Variants in DHRS13 observed in about 807,000 individuals in gnomAD.
DHRS13 encodes dehydrogenase/reductase 13.
Under a neutral mutation model 17.9 loss-of-function variants are expected in DHRS13, and 22 were observed. That is an observed-to-expected ratio of 1.23 (90% CI 0.88 to 1.75). DHRS13 has a LOEUF of 1.75. Ranked by LOEUF, DHRS13 falls within the 40% of genes most tolerant of loss-of-function variation. The pLI is 0.00. For synonymous variants in DHRS13, 206 were observed against 220.4 expected (o/e 0.93, Z 0.58); for missense variants, 483 against 519.9 (o/e 0.93, Z 0.69).
chr17:28,903,026 G>A lies in DHRS13; in HGVS notation c.-82C>T. ...GGCGGCTGCCGATCCGCCCTGCACAGGCCTGGAACGGCGCCCGGGCGCGTC... is the reference window on the plus strand; with the variant it reads ...GGCGGCTGCCGATCCGCCCTGCACAAGCCTGGAACGGCGCCCGGGCGCGTC... On this transcript the variant is annotated 5_prime_UTR_variant, in exon 1 of 5. Transcript: ENST00000378895. This position sits in a 1 kb window ranked among gnomAD's most constrained non-coding sequence, Gnocchi z 4.8. 8.5e-7 allele frequency: 1 copy of A among 1,178,464 alleles called. No homozygotes were observed. The allele number at this position is 1,178,464 out of a possible 1,614,324, so 73.0% of individuals were successfully genotyped here.
rs1230149580 is a variant in DHRS13, at chr17:28,901,921, C to T, written c.247-305G>A. ...GAAAGGAGTTAACGTGTAAAATACA[C>T]TCTAGCAGCACTGGGTAGGTACTTG... On this transcript the variant is annotated intron_variant, in intron 2 of 4. Coordinates refer to ENST00000378895, the MANE Select transcript of DHRS13 (RefSeq NM_144683.4). The surrounding 1 kb of genome is among the most constrained non-coding windows in gnomAD (Gnocchi z 4.3). 3.0e-6 allele frequency: 1 copy of T among 338,880 alleles called. No individual in the cohort carries two copies. Among genetic ancestry groups the T allele is most frequent in the East Asian group, 6.1e-5 (1 of 16,432 alleles). 21.0% of individuals were successfully genotyped at this position (338,880 alleles called of 1,614,324 possible). A position where few individuals can be genotyped will look rare whatever the true frequency, so the allele number is the denominator to read the frequency against.
chr17:28,901,706 C>T lies in DHRS13; in HGVS notation c.247-90G>A. 1.3e-6 allele frequency: 2 copies of T among 1,561,662 alleles called. No homozygotes were observed. The highest frequency in any genetic ancestry group is 1.7e-6 in the Non-Finnish European group (2 of 1,152,284). The stretch of plus-strand genomic sequence containing the variant: ...CCAAATTCTGAGAGTCCATCTCCTA[C>T]TGTTTACTAAAATCTGCCCCTGTGT... On this transcript the variant is annotated intron_variant, in intron 2 of 4. Coordinates refer to ENST00000378895, the MANE Select transcript of DHRS13 (RefSeq NM_144683.4). This position sits in a 1 kb window ranked among gnomAD's most constrained non-coding sequence, Gnocchi z 4.3.
Position 28,902,960 on chromosome 17 carries a change from C to T in DHRS13, c.-16G>A, listed in dbSNP as rs528828150. On this transcript the variant is annotated 5_prime_UTR_variant, in exon 1 of 5. Coordinates refer to ENST00000378895, the MANE Select transcript of DHRS13 (RefSeq NM_144683.4). The surrounding 1 kb of genome is among the most constrained non-coding windows in gnomAD (Gnocchi z 4.0). ...GCGCCTCCATGCCGGCCGCGCCTCCCGGCTCCCGCCCAGGCCCCGCACCGC... is the reference window on the plus strand; with the variant it reads ...GCGCCTCCATGCCGGCCGCGCCTCCTGGCTCCCGCCCAGGCCCCGCACCGC... 2.5e-5 allele frequency: 37 copies of T among 1,498,012 alleles called. No homozygotes were observed. The South Asian group carries it at 3.7e-4, about 15-fold the overall frequency. The allele number at this position is 1,498,012 out of a possible 1,614,324, so 92.8% of individuals were successfully genotyped here. A position where few individuals can be genotyped will look rare whatever the true frequency, so the allele number is the denominator to read the frequency against.
rs1342388607 is a variant in DHRS13 at position 28,901,467 on chromosome 17, C to T, written c.370+26G>A. 1 of 1,613,156 alleles carries T rather than the reference C, an allele frequency of 6.2e-7. No individual in the cohort carries two copies. The highest frequency in any genetic ancestry group is 1.1e-5 in the South Asian group (1 of 91,048). Reference sequence around the variant, plus strand: ...GCCCCTGGCCACCCGCCACCCCACCCCCACGCAGGGCCTGCTGCCCCTCAC... The same window carrying T: ...GCCCCTGGCCACCCGCCACCCCACCTCCACGCAGGGCCTGCTGCCCCTCAC... On this transcript the variant is annotated intron_variant, in intron 3 of 4. Coordinates refer to ENST00000378895, the MANE Select transcript of DHRS13 (RefSeq NM_144683.4). This position sits in a 1 kb window ranked among gnomAD's most constrained non-coding sequence, Gnocchi z 4.3.
Position 28,897,795 on chromosome 17 carries a change from C to T in DHRS13, c.*646G>A, listed in dbSNP as rs531069245. 3.1e-6 allele frequency: 1 copy of T among 317,728 alleles called. No homozygotes were observed. The highest frequency in any genetic ancestry group is 2.2e-5 in the African/African-American group (1 of 45,678). 19.7% of individuals were successfully genotyped at this position (317,728 alleles called of 1,614,324 possible). On this transcript the variant is annotated 3_prime_UTR_variant, in exon 5 of 5. Transcript: ENST00000378895. This position sits in a 1 kb window ranked among gnomAD's most constrained non-coding sequence, Gnocchi z 4.4. ...GTGAGCGCAGCTTCGGCGGTCAACG[C>T]GCTTTATTCCGAGGGGCTTCAGATA...
rs149335962 is a variant in DHRS13, at chr17:28,901,181, C to G, written c.491G>C (p.Arg164Pro). The change falls in exon 4 of 5, where the codon CGC becomes CCC. Residue 164 changes from arginine (R) to proline (P), a missense_variant. Arg to Pro is a moderately radical substitution (Grantham distance 103, BLOSUM62 -2). Coordinates refer to ENST00000378895, the MANE Select transcript of DHRS13 (RefSeq NM_144683.4). The surrounding 1 kb of genome is among the most constrained non-coding windows in gnomAD (Gnocchi z 4.3). ...GGCAGCTGAGGCTACCACCACCACG[C>G]GGCTAGGGGCACATGCCTTCAGGCA... ...LPCLKACAPS[R>P]VVVVASAAHC... 1 of 1,614,182 alleles carries G rather than the reference C, an allele frequency of 6.2e-7. No homozygotes were observed. The highest frequency in any genetic ancestry group is 1.7e-5 in the Admixed American group (1 of 60,018).
Position 28,901,308 on chromosome 17 carries a change from C to T in DHRS13, c.371-7G>A. 1.2e-6 allele frequency: 2 copies of T among 1,601,488 alleles called. No homozygotes were observed. Among genetic ancestry groups the T allele is most frequent in the Non-Finnish European group, 1.7e-6 (2 of 1,172,540 alleles). On this transcript the variant is annotated splice_region_variant and splice_polypyrimidine_tract_variant and intron_variant, in intron 3 of 4. Transcript: ENST00000378895. The surrounding 1 kb of genome is among the most constrained non-coding windows in gnomAD (Gnocchi z 4.3). ...CGGCCACAGGAACTGATACCTGGGG[C>T]AGAGGCTAAATGTGAGCGGCTGCTC... is the stretch of plus-strand genomic sequence containing the variant.
In DHRS13 at chr17:28,898,326, A is replaced by G. The variant is rs1370494414; in HGVS notation, c.*115T>C. On this transcript the variant is annotated 3_prime_UTR_variant, in exon 5 of 5. Transcript: ENST00000378895. ...TCCAGGGCACAGCTTGGGGCCCCAG[A>G]AAGTAACCACGGAGGTCAAGATCAC... The G allele has an allele frequency of 2.4e-6, 3 of 1,275,168 alleles. No individual in the cohort carries two copies. The highest frequency in any genetic ancestry group is 3.2e-6 in the Non-Finnish European group (3 of 929,566). 79.0% of individuals were successfully genotyped at this position (1,275,168 alleles called of 1,614,324 possible).
At position 28,902,605 on chromosome 17, in the gene DHRS13, G is replaced by A. The variant is rs1287403248; in HGVS notation, c.224C>T (p.Ala75Val). 2.0e-6 allele frequency: 3 copies of A among 1,475,792 alleles called. No homozygotes were observed. The highest frequency in any genetic ancestry group is 1.5e-5 in the African/African-American group (1 of 68,316). The allele number at this position is 1,475,792 out of a possible 1,614,324, so 91.4% of individuals were successfully genotyped here. The stretch of plus-strand genomic sequence containing the variant: ...CACCTGGCGGAGGTCGAAGGCAGCC[G>A]CCTCCCCGCGCTCCTGGCTGCGGCA... ...LACRSQERGE[A>V]AAFDLRQESG... The change falls in exon 2 of 5, where the codon GCG (alanine) becomes GTG (valine). Residue 75 changes from alanine to valine, a missense_variant. Ala to Val is a moderately conservative substitution (Grantham distance 64). Coordinates refer to ENST00000378895, the MANE Select transcript of DHRS13 (RefSeq NM_144683.4). This position sits in a 1 kb window ranked among gnomAD's most constrained non-coding sequence, Gnocchi z 4.0.
chr17:28,898,777 CA>C lies in DHRS13; in HGVS notation c.797del (p.Leu266ArgfsTer71). 1 of 1,613,094 alleles carries C rather than the reference CA, an allele frequency of 6.2e-7. No individual in the cohort carries two copies. Among genetic ancestry groups the C allele is most frequent in the Non-Finnish European group, 8.5e-7 (1 of 1,179,622 alleles). The stretch of plus-strand genomic sequence containing the variant: ...CGATGCCCTCTTGTAGAGCACAATA[CA>C]GGGGTGTCTGGGCACCCCCTCTTGG... ...RAPRGGAQTP[L>X]YCALQEGIEP... On this transcript the variant is annotated frameshift_variant, in exon 5 of 5. Coordinates refer to ENST00000378895, the MANE Select transcript of DHRS13 (RefSeq NM_144683.4). LOFTEE classifies it low-confidence loss of function (END_TRUNC).
chr17:28,900,575 G>C (rs889974267), intron 4 of DHRS13, among the ~76,000 whole-genome samples: 3 of 152,190 alleles, frequency 2.0e-5, no homozygotes, highest in Admixed American at 2.0e-4. Flanking sequence ...AACTCTATGA[G>C]GGCAGGGTCT....
rs749901219 is a variant in DHRS13 at position 28,899,975 on chromosome 17, G to A, written c.682+1015C>T. ...GTCCCCCAGGCTGGAGTGCGGTGGC[G>A]TGATCACGGCTCACTGCAACCTCCA... On this transcript the variant is annotated intron_variant, in intron 4 of 4. Transcript: ENST00000378895. This position sits in a 1 kb window ranked among gnomAD's most constrained non-coding sequence, Gnocchi z 4.7. Among the ~76,000 whole-genome samples, 7 of 151,490 alleles carry A rather than the reference G, an allele frequency of 4.6e-5. No individual in the cohort carries two copies. The highest frequency in any genetic ancestry group is 1.2e-4 in the African/African-American group (5 of 41,138).
In DHRS13 at chr17:28,902,952, G is replaced by A; in HGVS notation, c.-8C>T. ...CAGCAGCAGCGCCTCCATGCCGGCC[G>A]CGCCTCCCGGCTCCCGCCCAGGCCC... On this transcript the variant is annotated 5_prime_UTR_variant, in exon 1 of 5. Coordinates refer to ENST00000378895, the MANE Select transcript of DHRS13 (RefSeq NM_144683.4). The surrounding 1 kb of genome is among the most constrained non-coding windows in gnomAD (Gnocchi z 4.0). 2 of 1,512,772 alleles carry A rather than the reference G, an allele frequency of 1.3e-6. No individual in the cohort carries two copies. The highest frequency in any genetic ancestry group is 8.8e-7 in the Non-Finnish European group (1 of 1,137,196). The allele number at this position is 1,512,772 out of a possible 1,614,324, so 93.7% of individuals were successfully genotyped here.
rs748372545 is a variant in DHRS13 at position 28,901,351 on chromosome 17, C to T, written c.371-50G>A. The T allele has an allele frequency of 1.9e-6, 3 of 1,580,734 alleles. No individual in the cohort carries two copies. Among genetic ancestry groups the T allele is most frequent in the East Asian group, 2.2e-5 (1 of 44,608 alleles). On this transcript the variant is annotated intron_variant, in intron 3 of 4. Coordinates refer to ENST00000378895, the MANE Select transcript of DHRS13 (RefSeq NM_144683.4). The surrounding 1 kb of genome is among the most constrained non-coding windows in gnomAD (Gnocchi z 4.3). Reference sequence around the variant, plus strand: ...GGCTGCTCCAGAAGGAGCTCTGCAGCCTTGGCATCCCTATCTATGAGATGG... The same window carrying T: ...GGCTGCTCCAGAAGGAGCTCTGCAGTCTTGGCATCCCTATCTATGAGATGG...
rs747246149 is a variant in DHRS13, at chr17:28,901,555, C to A, written c.308G>T (p.Arg103Leu). 6.2e-7 allele frequency: 1 copy of A among 1,614,208 alleles called. No homozygotes were observed. The highest frequency in any genetic ancestry group is 2.2e-5 in the East Asian group (1 of 44,890). The change falls in exon 3 of 5, where the codon CGG (arginine) becomes CTG (leucine). Residue 103 changes from arginine to leucine, a missense_variant. Physicochemically the swap from Arg to Leu is moderately radical, Grantham distance 102 (BLOSUM62 -2). Coordinates refer to ENST00000378895, the MANE Select transcript of DHRS13 (RefSeq NM_144683.4). The surrounding 1 kb of genome is among the most constrained non-coding windows in gnomAD (Gnocchi z 4.3). ...GCTCAGAAAGGCAGTGGCAAAGGCCCGCACCGAGGCCAGACTGGCCAAGTC... is the reference window on the plus strand; with the variant it reads ...GCTCAGAAAGGCAGTGGCAAAGGCCAGCACCGAGGCCAGACTGGCCAAGTC... ...ALDLASLASV[R>L]AFATAFLSSE...
At position 28,902,547 on chromosome 17, in the gene DHRS13, C is replaced by T. The variant is rs771185247; in HGVS notation, c.246+36G>A. 1.3e-5 allele frequency: 19 copies of T among 1,456,112 alleles called. No homozygotes were observed. The Admixed American group carries it at 4.7e-4, about 36-fold the overall frequency. 90.2% of individuals were successfully genotyped at this position (1,456,112 alleles called of 1,614,324 possible). A position where few individuals can be genotyped will look rare whatever the true frequency, so the allele number is the denominator to read the frequency against. The stretch of plus-strand genomic sequence containing the variant: ...GCTTCTCTGTGTCCCGGCGGGTTCT[C>T]GGCTCACCGTCCCACGCGCCCCCGC... On this transcript the variant is annotated intron_variant, in intron 2 of 4. Coordinates refer to ENST00000378895, the MANE Select transcript of DHRS13 (RefSeq NM_144683.4). The surrounding 1 kb of genome is among the most constrained non-coding windows in gnomAD (Gnocchi z 4.0).
In DHRS13 at chr17:28,899,104, A is replaced by T. The variant is rs1013547811; in HGVS notation, c.683-212T>A. 2.1e-5 allele frequency: 11 copies of T among 530,398 alleles called. No homozygotes were observed. Among genetic ancestry groups the T allele is most frequent in the Non-Finnish European group, 3.6e-5 (11 of 307,416 alleles). 32.9% of individuals were successfully genotyped at this position (530,398 alleles called of 1,614,324 possible). On this transcript the variant is annotated intron_variant, in intron 4 of 4. Transcript: ENST00000378895. This position sits in a 1 kb window ranked among gnomAD's most constrained non-coding sequence, Gnocchi z 4.7. ...AAGAACAGGGACAGAATCTGGTTTCAAGGGAACCAGGATAGTATTTACCAG... is the reference window on the plus strand; with the variant it reads ...AAGAACAGGGACAGAATCTGGTTTCTAGGGAACCAGGATAGTATTTACCAG...
At position 28,903,073 on chromosome 17, in the gene DHRS13, G is replaced by A. The variant is rs989673974; in HGVS notation, c.-129C>T. ...CGTCAGCCTCCGAAGGCGGAGGCGG[G>A]CAGGAGGCTGGGCAGGGGCGTGTGC... On this transcript the variant is annotated 5_prime_UTR_variant, in exon 1 of 5. Transcript: ENST00000378895. The surrounding 1 kb of genome is among the most constrained non-coding windows in gnomAD (Gnocchi z 4.8). The A allele has an allele frequency of 1.8e-5, 15 of 853,286 alleles. No homozygotes were observed. The African/African-American group carries it at 2.3e-4, about 13-fold the overall frequency. 52.9% of individuals were successfully genotyped at this position (853,286 alleles called of 1,614,324 possible). A position where few individuals can be genotyped will look rare whatever the true frequency, so the allele number is the denominator to read the frequency against.
chr17:28,902,605 G>T lies in DHRS13; in HGVS notation c.224C>A (p.Ala75Glu). 2 of 1,475,794 alleles carry T rather than the reference G, an allele frequency of 1.4e-6. No individual in the cohort carries two copies. Among genetic ancestry groups the T allele is most frequent in the South Asian group, 1.3e-5 (1 of 77,942 alleles). The allele number at this position is 1,475,794 out of a possible 1,614,324, so 91.4% of individuals were successfully genotyped here. The change falls in exon 2 of 5, where the codon GCG becomes GAG. Residue 75 changes from alanine (A) to glutamate (E), a missense_variant. Ala to Glu is a moderately radical substitution (Grantham distance 107). Transcript: ENST00000378895. The surrounding 1 kb of genome is among the most constrained non-coding windows in gnomAD (Gnocchi z 4.0). The part of the protein sequence containing the change: ...LACRSQERGE[A>E]AAFDLRQESG... ...CACCTGGCGGAGGTCGAAGGCAGCC[G>T]CCTCCCCGCGCTCCTGGCTGCGGCA...
Sources: gnomAD v4.1 joint callset for allele counts (sites outside exome capture counted in the v4.1 genomes callset) on GRCh38, gnomAD v4.1.1 for gene constraint, Gnocchi (gnomAD v3.1) non-coding constraint, MANE v1.5 for transcripts, NCBI Gene and HGNC (gene_info 2026-07-23, HGNC 2026-07-21) for gene names.